COL28A1: variants seen among roughly 807,000 people sequenced by gnomAD.
COL28A1 encodes collagen type XXVIII alpha 1 chain.
Under a neutral mutation model 150.2 loss-of-function variants are expected in COL28A1, and 161 were observed. That is an observed-to-expected ratio of 1.07 (90% CI 0.94 to 1.22). The LOEUF (loss-of-function observed/expected upper bound fraction) is 1.22, where lower values mean the gene tolerates loss of function less well. Ranked by LOEUF, COL28A1 falls within the 50% of genes most tolerant of loss-of-function variation. COL28A1 has a pLI of 0.00. For synonymous variants in COL28A1, 552 were observed against 469.7 expected (o/e 1.18, Z -2.26); for missense variants, 1,617 against 1,388.3 (o/e 1.16, Z -2.62).
intron 2 of COL28A1, among the ~76,000 whole-genome samples, chr7:7,532,503 C>G (rs1260474952): frequency 3.3e-5 from 5 of 151,950 alleles, no homozygotes; most frequent in Non-Finnish European, 5.9e-5. Flanking sequence ...GTGGCAATCT[C>G]CGTCCTGCCT....
At chr7:7,458,766 C>T (rs912838509) in intron 15 of COL28A1, among the ~76,000 whole-genome samples, 2 of 152,178 alleles carry the variant, frequency 1.3e-5, no homozygotes, top group African/African-American at 4.8e-5. Flanking sequence ...GTAACTCACC[C>T]CAGGTCACGC....
intron 23 of COL28A1, among the ~76,000 whole-genome samples, 154 bp from the exon 24 acceptor site, chr7:7,432,854 T>C (rs1785075095): frequency 6.6e-6 from 1 of 152,226 alleles, no homozygotes; most frequent in Non-Finnish European, 1.5e-5. Context: ...CTTAAAATTA[T>C]AAATTTTTAG....
intron 7 of COL28A1, among the ~76,000 whole-genome samples, chr7:7,517,292 A>G (rs1337206344): frequency 6.6e-6 from 1 of 152,182 alleles, no homozygotes; most frequent in Non-Finnish European, 1.5e-5. Context: ...TGATACACTT[A>G]CTGCAATGCC....
At chr7:7,527,068 A>G (rs908307107) in intron 3 of COL28A1, among the ~76,000 whole-genome samples, 3 of 152,212 alleles carry the variant, frequency 2.0e-5, no homozygotes, top group African/African-American at 7.2e-5. Context: ...CTCTTTAGAA[A>G]TATGTGGCAT....
intron 25 of COL28A1, among the ~76,000 whole-genome samples, chr7:7,423,996 AAAAC>A (rs1451440546): frequency 6.6e-6 from 1 of 152,234 alleles, no homozygotes; most frequent in African/African-American, 2.4e-5. Flanking sequence ...GTGTTCACCT[AAAAC>A]AAACTGTCCA....
At chr7:7,539,219 G>T (rs1016674541), upstream of COL28A1, among the ~76,000 whole-genome samples, 5 of 152,284 alleles carry the variant, frequency 3.3e-5, no homozygotes, top group Admixed American at 1.3e-4. Context: ...TTACAATTCT[G>T]CAGTCTATGC....
the COL28A1 span, among the ~76,000 whole-genome samples, chr7:7,345,480 A>G: frequency 6.6e-6 from 1 of 152,212 alleles, no homozygotes; most frequent in Admixed American, 6.5e-5. Flanking sequence ...ACCATCTGGT[A>G]TAATTTTCCT....
chr7:7,394,286 G>A (rs1782718810), intron 27 of COL28A1, among the ~76,000 whole-genome samples: 1 of 152,112 alleles, frequency 6.6e-6, no homozygotes, highest in South Asian at 2.1e-4. Context: ...CAGTCCCAGT[G>A]AGATGAGCCA....
chr7:7,495,116 G>C lies in COL28A1; in HGVS notation c.1027-4470C>G, dbSNP rs149342579. 6.6e-4 allele frequency among the ~76,000 whole-genome samples: 100 copies of C among 151,978 alleles called. 1 individual carries two copies. In the East Asian group the frequency reaches 0.019, roughly 28 times the overall value. On this transcript the variant is annotated intron_variant, in intron 11 of 34. Transcript: ENST00000399429. Reference sequence around the variant, plus strand: ...TTAAATTCTCTACTAGCCACATTAAGAAATAAAAAAACAGGTAAATTATAA... The same window carrying C: ...TTAAATTCTCTACTAGCCACATTAACAAATAAAAAAACAGGTAAATTATAA...
At chr7:7,381,730 G>A in intron 27 of COL28A1, 118 bp from the exon 28 acceptor site, 1 of 648,008 alleles carries the variant, frequency 1.5e-6, no homozygotes, top group Non-Finnish European at 2.7e-6. Context: ...TAAATATTAG[G>A]GGAAATATAT....
intron 6 of COL28A1, 23 bp from the exon 7 acceptor site, chr7:7,517,860 A>G: frequency 1.9e-6 from 3 of 1,613,584 alleles, no homozygotes; most frequent in Non-Finnish European, 1.7e-6. Flanking sequence ...AAAAACAGTA[A>G]AAATTCCACA....
At chr7:7,383,661 G>A in intron 27 of COL28A1, among the ~76,000 whole-genome samples, 1 of 105,364 alleles carries the variant, frequency 9.5e-6, no homozygotes, top group African/African-American at 3.7e-5. Flanking sequence ...TTATCTATTT[G>A]AAATTTGTGT....
intron 11 of COL28A1, among the ~76,000 whole-genome samples, chr7:7,492,630 A>G (rs76864093): frequency 0.025 from 3,783 of 148,738 alleles, 160 homozygotes; most frequent in African/African-American, 0.088. Flanking sequence ...GACTTTGACC[A>G]ATTGCGAAAG....
chr7:7,361,691 C>G (rs1229124665), intron 33 of COL28A1, among the ~76,000 whole-genome samples: 4 of 152,010 alleles, frequency 2.6e-5, no homozygotes, highest in African/African-American at 7.3e-5. Flanking sequence ...AGAGTTTTTT[C>G]TTGTAAATTT....
At chr7:7,454,388 G>C (rs1454081754) in intron 16 of COL28A1, among the ~76,000 whole-genome samples, 3 of 152,104 alleles carry the variant, frequency 2.0e-5, no homozygotes, top group Non-Finnish European at 4.4e-5. Flanking sequence ...TATATCATTT[G>C]TCTTAAAAGG....
At chr7:7,341,028 T>C in the COL28A1 span, among the ~76,000 whole-genome samples, 3 of 152,152 alleles carry the variant, frequency 2.0e-5, no homozygotes, top group Non-Finnish European at 4.4e-5. Context: ...TACAGAGCCA[T>C]GTGCATGCAT....
chr7:7,474,056 C>CTA (rs933156885), intron 15 of COL28A1, among the ~76,000 whole-genome samples: 6 of 139,952 alleles, frequency 4.3e-5, no homozygotes, highest in Non-Finnish European at 6.1e-5. Flanking sequence ...ACTATATACT[C>CTA]TATATATATA....
At chr7:7,350,241 G>A in the COL28A1 span, among the ~76,000 whole-genome samples, 1 of 152,094 alleles carries the variant, frequency 6.6e-6, no homozygotes, top group Non-Finnish European at 1.5e-5. Context: ...CTGAGCAATT[G>A]GATATGAGGA....
At chr7:7,410,359 A>G (rs1783712803) in intron 27 of COL28A1, among the ~76,000 whole-genome samples, 1 of 152,168 alleles carries the variant, frequency 6.6e-6, no homozygotes, top group Non-Finnish European at 1.5e-5. Context: ...CCCTGCCACA[A>G]TTGACTTGGC....
Sources: allele counts gnomAD v4.1 joint callset (sites outside exome capture counted in the v4.1 genomes callset), GRCh38; gene constraint gnomAD v4.1.1; transcripts MANE v1.5; gene names NCBI Gene and HGNC (gene_info 2026-07-23, HGNC 2026-07-21).